PTPRD: variants seen among roughly 807,000 people sequenced by gnomAD.
PTPRD encodes the protein receptor-type tyrosine-protein phosphatase delta.
Under a neutral mutation model 214.5 loss-of-function variants are expected in PTPRD, and 34 were observed. The ratio of observed to expected loss-of-function variants is 0.16; its 90% CI spans 0.12 to 0.21. The LOEUF (loss-of-function observed/expected upper bound fraction) is 0.21. Among genes scored for constraint, PTPRD ranks in the 10% least tolerant of loss-of-function variants. The pLI is 1.00. For missense variants in PTPRD, 2,545 were observed against 2,398.7 expected (o/e 1.06, Z -1.27); for synonymous variants, 1,128 against 845.7 (o/e 1.33, Z -5.79).
chr9:9,981,893 G>A (rs1350947874), intron 4 of PTPRD, among the ~76,000 whole-genome samples: 1 of 152,000 alleles, frequency 6.6e-6, no homozygotes, highest in Non-Finnish European at 1.5e-5. Context: ...GACACATAAA[G>A]ACAGGGCTTT....
intron 5 of PTPRD, among the ~76,000 whole-genome samples, chr9:9,819,697 T>C (rs990823420): frequency 2.0e-5 from 3 of 152,110 alleles, no homozygotes; most frequent in African/African-American, 7.2e-5. Flanking sequence ...CCAGATTCTA[T>C]TGTTGCCATT....
intron 11 of PTPRD, among the ~76,000 whole-genome samples, chr9:9,009,728 C>T (rs971789440): frequency 6.6e-6 from 1 of 151,878 alleles, no homozygotes; most frequent in African/African-American, 2.4e-5. Context: ...GATGTATGTG[C>T]CAATTTGGAA....
chr9:9,525,526 T>C (rs1014294451), intron 8 of PTPRD, among the ~76,000 whole-genome samples: 4 of 152,134 alleles, frequency 2.6e-5, no homozygotes, highest in African/African-American at 9.7e-5. Context: ...TGTTTTTCTC[T>C]ATTGAGAGGA....
intron 12 of PTPRD, among the ~76,000 whole-genome samples, chr9:8,662,186 C>T (rs2097072611): frequency 6.6e-6 from 1 of 152,150 alleles, no homozygotes; most frequent in South Asian, 2.1e-4. Context: ...CAAGTCACAA[C>T]TGCATGTTTA....
intron 8 of PTPRD, among the ~76,000 whole-genome samples, chr9:9,410,026 T>C (rs1205515012): frequency 1.3e-5 from 2 of 152,298 alleles, no homozygotes; most frequent in East Asian, 3.9e-4. Context: ...TTAATAAATG[T>C]TTTATCAAAC....
Position 10,507,638 on chromosome 9 carries a change from A to G in PTPRD, c.-600+104760T>C, listed in dbSNP as rs192658338. ...GGAACGGAACAGAGCCCTCAGAAAT[A>G]ATATCACACATCTACAACCATCTAA... On this transcript the variant is annotated intron_variant, in intron 2 of 45. Transcript: ENST00000381196. Among the ~76,000 whole-genome samples, 144 of 152,282 alleles carry G rather than the reference A, an allele frequency of 9.5e-4. 1 individual carries two copies. Among genetic ancestry groups the G allele is most frequent in the Non-Finnish European group, 1.8e-3 (120 of 68,030 alleles).
At chr9:10,474,463 G>A (rs897652354) in intron 2 of PTPRD, among the ~76,000 whole-genome samples, 6 of 151,928 alleles carry the variant, frequency 3.9e-5, no homozygotes, top group East Asian at 3.9e-4. Flanking sequence ...GTATGCACCC[G>A]CTACAGGAGC....
chr9:10,269,860 C>T (rs1021019370), intron 3 of PTPRD, among the ~76,000 whole-genome samples: 30 of 152,018 alleles, frequency 2.0e-4, no homozygotes, highest in African/African-American at 7.0e-4. Context: ...AAATTAAAAA[C>T]TGCTTTAATA....
At chr9:9,173,963 AT>A (rs1376788971) in intron 10 of PTPRD, among the ~76,000 whole-genome samples, 2 of 152,122 alleles carry the variant, frequency 1.3e-5, no homozygotes, top group Admixed American at 1.3e-4. Context: ...CTTAAAAAGA[AT>A]TGCAAATGCC....
intron 8 of PTPRD, among the ~76,000 whole-genome samples, chr9:9,462,955 T>G (rs1156294854): frequency 1.3e-5 from 2 of 152,196 alleles, no homozygotes; most frequent in African/African-American, 4.8e-5. Context: ...GTTTAAGGAA[T>G]TTAAACATTT....
chr9:8,729,637 C>T (rs12002364), intron 12 of PTPRD, among the ~76,000 whole-genome samples: 9,106 of 152,128 alleles, frequency 0.06, 789 homozygotes, highest in African/African-American at 0.19. Flanking sequence ...TGACCATCAC[C>T]GTCATCCACA....
At chr9:8,964,282 T>C (rs1442296355) in intron 11 of PTPRD, among the ~76,000 whole-genome samples, 1 of 144,402 alleles carries the variant, frequency 6.9e-6, no homozygotes, top group African/African-American at 2.5e-5. Context: ...TAATTCAATC[T>C]TGGGAGATTG....
intron 7 of PTPRD, among the ~76,000 whole-genome samples, chr9:9,588,920 G>C (rs1200306165): frequency 6.6e-6 from 1 of 151,872 alleles, no homozygotes; most frequent in Non-Finnish European, 1.5e-5. Context: ...GAGAAACTGT[G>C]ACTTAGAACA....
intron 2 of PTPRD, among the ~76,000 whole-genome samples, chr9:10,405,131 A>G (rs1783262847): frequency 6.6e-6 from 1 of 151,654 alleles, no homozygotes; most frequent in Non-Finnish European, 1.5e-5. Context: ...CTGGCAGGCA[A>G]GTCCTAAAGA....
intron 2 of PTPRD, among the ~76,000 whole-genome samples, chr9:10,516,437 G>C (rs886941262): frequency 6.6e-6 from 1 of 151,778 alleles, no homozygotes; most frequent in African/African-American, 2.4e-5. Context: ...TTTTGGAAAT[G>C]AGCTGTAGGA....
chr9:10,118,477 T>A (rs986158733), intron 3 of PTPRD, among the ~76,000 whole-genome samples: 6 of 151,740 alleles, frequency 4.0e-5, no homozygotes, highest in African/African-American at 1.4e-4. Context: ...CTTCACATAG[T>A]ACCTGACACA....
intron 3 of PTPRD, among the ~76,000 whole-genome samples, chr9:10,192,850 C>CGTG (rs1051576755): frequency 1.3e-5 from 2 of 152,114 alleles, no homozygotes; most frequent in African/African-American, 4.8e-5. Context: ...ACAATAGGGA[C>CGTG]GTGTGAGTCT....
chr9:10,262,322 T>C (rs1409293510), intron 3 of PTPRD, among the ~76,000 whole-genome samples: 1 of 152,164 alleles, frequency 6.6e-6, no homozygotes, highest in Non-Finnish European at 1.5e-5. Context: ...TATATTTTAG[T>C]TTGATACTAT....
At chr9:9,613,651 C>G (rs1248755732) in intron 7 of PTPRD, among the ~76,000 whole-genome samples, 1 of 152,082 alleles carries the variant, frequency 6.6e-6, no homozygotes, top group Non-Finnish European at 1.5e-5. Context: ...TCGGTCTTTT[C>G]CAATCACATT....
Sources: allele counts gnomAD v4.1 joint callset (sites outside exome capture counted in the v4.1 genomes callset), GRCh38; gene constraint gnomAD v4.1.1; transcripts MANE v1.5; gene names NCBI Gene and HGNC (gene_info 2026-07-23, HGNC 2026-07-21).